Variants in POMT2 observed in about 807,000 individuals in gnomAD.
POMT2 encodes protein O-mannosyl-transferase 2.
Under a neutral mutation model 100.0 loss-of-function variants are expected in POMT2, and 75 were observed. The observed-to-expected ratio is 0.75, with a 90% confidence interval of 0.62 to 0.91. The LOEUF is 0.91. Among genes scored for constraint, POMT2 ranks in the 40% least tolerant of loss-of-function variants. The pLI is 0.00. For synonymous variants in POMT2, 378 were observed against 374.1 expected (o/e 1.01, Z -0.12); for missense variants, 940 against 955.1 (o/e 0.98, Z 0.21).
intron 4 of POMT2, 103 bp downstream of exon 4, chr14:77,304,589 A>G: frequency 6.6e-7 from 1 of 1,523,988 alleles, no homozygotes; most frequent in East Asian, 2.5e-5. Flanking sequence ...AAATTAATTG[A>G]ACTGGACCCA....
chr14:77,305,837 A>G (rs1211247423), intron 3 of POMT2, among the ~76,000 whole-genome samples: 2 of 152,242 alleles, frequency 1.3e-5, no homozygotes, highest in Non-Finnish European at 2.9e-5. Flanking sequence ...TAAGGCTGGA[A>G]AACTCTTTCT....
chr14:77,295,161 T>C (rs1336280258), intron 9 of POMT2, among the ~76,000 whole-genome samples: 2 of 152,176 alleles, frequency 1.3e-5, no homozygotes, highest in African/African-American at 4.8e-5. Context: ...CTTCTCCCTC[T>C]CAGGCACCAT....
chr14:77,304,110 C>G (rs1284916385), intron 4 of POMT2, among the ~76,000 whole-genome samples: 1 of 152,190 alleles, frequency 6.6e-6, no homozygotes, highest in Non-Finnish European at 1.5e-5. Context: ...CCCTAAAGTA[C>G]CCCATTTAAA....
chr14:77,319,003 C>T (rs1400071883), intron 1 of POMT2, among the ~76,000 whole-genome samples: 4 of 152,074 alleles, frequency 2.6e-5, no homozygotes, highest in Non-Finnish European at 4.4e-5. Flanking sequence ...CCCAAACTGC[C>T]GGGATTACAG....
chr14:77,286,684 C>A lies in POMT2; in HGVS notation c.1332+60G>T. The A allele has an allele frequency of 3.1e-6, 5 of 1,606,426 alleles. No individual in the cohort carries two copies. In the South Asian group the frequency reaches 4.4e-5, roughly 14 times the overall value. The stretch of plus-strand genomic sequence containing the variant: ...TCTGGGGAGGAGATATCCCACCACA[C>A]AGCCCTGAGCCAAGGCCCATAACTT... On this transcript the variant is annotated intron_variant, in intron 12 of 20. Transcript: ENST00000261534.
chr14:77,284,445 A>G, intron 14 of POMT2: 1 of 206,752 alleles, frequency 4.8e-6, no homozygotes, highest in Non-Finnish European at 9.9e-6. Context: ...GTAGTTTAGG[A>G]AAACAGATGA....
intron 2 of POMT2, among the ~76,000 whole-genome samples, chr14:77,308,433 G>C (rs1463590307): frequency 7.0e-6 from 1 of 142,290 alleles, no homozygotes; most frequent in Non-Finnish European, 1.5e-5. Flanking sequence ...CCAGCTCACT[G>C]CAACCTCCGC....
chr14:77,283,699 G>T, intron 15 of POMT2, 98 bp downstream of exon 15: 1 of 1,063,474 alleles, frequency 9.4e-7, no homozygotes. Flanking sequence ...TCCTCCACAA[G>T]GGGGAATGGA....
At chr14:77,285,365 TAAG>T in intron 13 of POMT2, 113 bp downstream of exon 13, 1 of 1,407,256 alleles carries the variant, frequency 7.1e-7, no homozygotes, top group Non-Finnish European at 9.9e-7. Context: ...CATCTGCCAC[TAAG>T]AACAAGCAGA....
chr14:77,292,032 GA>G (rs935846937), intron 9 of POMT2, among the ~76,000 whole-genome samples: 106 of 147,584 alleles, frequency 7.2e-4, no homozygotes, highest in African/African-American at 2.4e-3. Context: ...TCTATCTTGG[GA>G]AAAAAAAAAG....
At chr14:77,316,616 G>T (rs1337750224) in intron 1 of POMT2, among the ~76,000 whole-genome samples, 1 of 150,704 alleles carries the variant, frequency 6.6e-6, no homozygotes, top group Non-Finnish European at 1.5e-5. Flanking sequence ...GGCCCTAGAG[G>T]CATCTTGGTT....
At chr14:77,298,050 T>G (rs959484849) in intron 8 of POMT2, among the ~76,000 whole-genome samples, 29 of 152,240 alleles carry the variant, frequency 1.9e-4, no homozygotes, top group African/African-American at 6.8e-4. Flanking sequence ...CATATACCTG[T>G]GCCTCAAGTT....
At position 77,275,208 on chromosome 14, in the gene POMT2, A is replaced by G. The variant is rs1889891908; in HGVS notation, c.*2168T>C. 2 of 152,266 alleles carry G rather than the reference A, an allele frequency of 1.3e-5. No homozygotes were observed. Among genetic ancestry groups the G allele is most frequent in the South Asian group, 4.1e-4 (2 of 4,834 alleles). The allele number at this position is 152,266 out of a possible 1,614,324, so 9.4% of individuals were successfully genotyped here. A position where few individuals can be genotyped will look rare whatever the true frequency, so the allele number is the denominator to read the frequency against. ...ACAGAACCTGAGCACTCAAAGCTGC[A>G]TCAGCCCATGTGGCCTTGCTCCCAG... is the stretch of plus-strand genomic sequence containing the variant. On this transcript the variant is annotated 3_prime_UTR_variant, in exon 21 of 21. Coordinates refer to ENST00000261534, the MANE Select transcript of POMT2 (RefSeq NM_013382.7).
intron 9 of POMT2, among the ~76,000 whole-genome samples, chr14:77,294,457 G>A (rs146655545): frequency 0.033 from 5,032 of 152,290 alleles, 121 homozygotes; most frequent in Middle Eastern, 0.078. Context: ...GAGTGGCTGG[G>A]ATTACTGGCA....
intron 9 of POMT2, 174 bp from the exon 10 acceptor site, chr14:77,291,554 T>G (rs1414776449): frequency 2.5e-6 from 2 of 786,356 alleles, no homozygotes; most frequent in Admixed American, 4.8e-5. Flanking sequence ...TATGTAGCAC[T>G]GGTGAGTGAG....
chr14:77,306,707 A>G, intron 2 of POMT2: 2 of 391,150 alleles, frequency 5.1e-6, no homozygotes, highest in Non-Finnish European at 4.9e-6. Context: ...GGAAGGAAAA[A>G]GAGCCCCACA....
intron 1 of POMT2, among the ~76,000 whole-genome samples, chr14:77,313,687 T>C (rs529443515): frequency 6.6e-6 from 1 of 152,190 alleles, no homozygotes; most frequent in African/African-American, 2.4e-5. Flanking sequence ...CCAGTTTTTT[T>C]GTTTTGTTTT....
intron 18 of POMT2, chr14:77,279,495 G>T: frequency 5.9e-6 from 3 of 508,878 alleles, no homozygotes; most frequent in South Asian, 4.6e-5. Context: ...GAGGGCTGTG[G>T]AGTCAGATTG....
At chr14:77,305,391 C>A (rs145919766) in intron 3 of POMT2, among the ~76,000 whole-genome samples, 1 of 152,274 alleles carries the variant, frequency 6.6e-6, no homozygotes, top group Non-Finnish European at 1.5e-5. Context: ...CCATCCCCTA[C>A]CTGTCCATCA....
Sources: allele counts gnomAD v4.1 joint callset (sites outside exome capture counted in the v4.1 genomes callset), GRCh38; gene constraint gnomAD v4.1.1; transcripts MANE v1.5; gene names NCBI Gene and HGNC (gene_info 2026-07-23, HGNC 2026-07-21).